CNTN5: variants seen among roughly 807,000 people sequenced by gnomAD.
CNTN5 encodes contactin 5.
A neutral mutation model predicts 129.1 loss-of-function variants in CNTN5; 77 were observed. The ratio of observed to expected loss-of-function variants is 0.60; its 90% CI spans 0.50 to 0.72. CNTN5 has a LOEUF of 0.72. Among genes scored for constraint, CNTN5 ranks in the 30% least tolerant of loss-of-function variants. The pLI, the probability that CNTN5 is intolerant of heterozygous loss-of-function variation, is 0.00. For synonymous variants in CNTN5, 509 were observed against 465.6 expected, an observed-to-expected ratio of 1.09 and a Z score of -1.20; for missense variants, 1,478 against 1,328.8, an observed-to-expected ratio of 1.11 and a Z score of -1.75.
intron 3 of CNTN5, among the ~76,000 whole-genome samples, chr11:99,615,032 C>T (rs1307213690): frequency 2.0e-5 from 3 of 147,770 alleles, no homozygotes; most frequent in African/African-American, 4.9e-5. Flanking sequence ...ATTATATATA[C>T]CTATTATATA....
intron 2 of CNTN5, among the ~76,000 whole-genome samples, chr11:99,465,137 T>C (rs1447803427): frequency 3.9e-5 from 6 of 152,196 alleles, no homozygotes; most frequent in Non-Finnish European, 5.9e-5. Context: ...TTGAGTAAAG[T>C]AGAGTAGTCC....
chr11:100,131,739 C>T (rs1182548139), intron 13 of CNTN5, among the ~76,000 whole-genome samples: 1 of 152,054 alleles, frequency 6.6e-6, no homozygotes, highest in Non-Finnish European at 1.5e-5. Flanking sequence ...ACTGGCTCAT[C>T]ATAATAATGT....
rs116107544 is a variant in CNTN5, at chr11:99,664,499, C to T, written c.55+108230C>T. On this transcript the variant is annotated intron_variant, in intron 3 of 24. Coordinates refer to ENST00000524871, the MANE Select transcript of CNTN5 (RefSeq NM_014361.4). Reference sequence around the variant, plus strand: ...CAGAGTTTTCAGTTCTCAGTAACAACATTTTCAGTAATTCTTGTTCTAGAA... The same window carrying T: ...CAGAGTTTTCAGTTCTCAGTAACAATATTTTCAGTAATTCTTGTTCTAGAA... Among the ~76,000 whole-genome samples, 401 of 152,254 alleles carry T rather than the reference C, an allele frequency of 2.6e-3. 3 individuals are homozygous for T. The highest frequency in any genetic ancestry group is 9.1e-3 in the African/African-American group (377 of 41,556).
intron 17 of CNTN5, among the ~76,000 whole-genome samples, chr11:100,260,511 A>G (rs1372398586): frequency 6.6e-6 from 1 of 152,220 alleles, no homozygotes; most frequent in East Asian, 1.9e-4. Flanking sequence ...ATTTCAGGCC[A>G]ATATCCCTGG....
At chr11:99,965,033 T>A (rs11222078) in intron 8 of CNTN5, among the ~76,000 whole-genome samples, 32,035 of 151,950 alleles carry the variant, frequency 0.21, 3,813 homozygotes, top group African/African-American at 0.32. Flanking sequence ...TTATTGCGTC[T>A]ATTTGATTCT....
chr11:99,121,236 G>A (rs1858310516), intron 1 of CNTN5, among the ~76,000 whole-genome samples: 1 of 151,472 alleles, frequency 6.6e-6, no homozygotes, highest in Non-Finnish European at 1.5e-5. Flanking sequence ...CTGGGTTCAA[G>A]TGATTCTCCT....
chr11:100,196,723 A>T (rs1437476089), intron 15 of CNTN5, among the ~76,000 whole-genome samples: 2 of 151,992 alleles, frequency 1.3e-5, no homozygotes, highest in Non-Finnish European at 2.9e-5. Context: ...ACTAATTTGG[A>T]GTGAATCCAT....
intron 2 of CNTN5, among the ~76,000 whole-genome samples, chr11:99,555,551 T>G (rs1196292843): frequency 6.6e-6 from 1 of 152,064 alleles, no homozygotes; most frequent in Non-Finnish European, 1.5e-5. Flanking sequence ...CCTTTTTCCC[T>G]TACGTTCCAG....
At position 99,963,833 on chromosome 11, in the gene CNTN5, T is replaced by C. The variant is rs546336748; in HGVS notation, c.877+6824T>C. ...TTTGTTTGTATCCTCTTTTGTTTCATTGAGCAGTGGTTTGTAGTTCTCCTT... is the reference window on the plus strand; with the variant it reads ...TTTGTTTGTATCCTCTTTTGTTTCACTGAGCAGTGGTTTGTAGTTCTCCTT... On this transcript the variant is annotated intron_variant, in intron 8 of 24. Transcript: ENST00000524871. Among the ~76,000 whole-genome samples, 280 of 152,288 alleles carry C rather than the reference T, an allele frequency of 1.8e-3. 1 individual carries two copies. Among genetic ancestry groups the C allele is most frequent in the African/African-American group, 6.7e-3 (277 of 41,560 alleles).
In CNTN5 at chr11:99,651,310, T is replaced by C. The variant is rs1379455320; in HGVS notation, c.55+95041T>C. Among the ~76,000 whole-genome samples, 3 of 151,816 alleles carry C rather than the reference T, an allele frequency of 2.0e-5. No homozygotes were observed. In the East Asian group the frequency reaches 5.8e-4, roughly 29 times the overall value. Reference sequence around the variant, plus strand: ...ATTAAATGTTTATTGCATGTGGCAATTGGAGAGTGCAGAAAGGGGAAAGAA... The same window carrying C: ...ATTAAATGTTTATTGCATGTGGCAACTGGAGAGTGCAGAAAGGGGAAAGAA... On this transcript the variant is annotated intron_variant, in intron 3 of 24. Coordinates refer to ENST00000524871, the MANE Select transcript of CNTN5 (RefSeq NM_014361.4).
chr11:99,551,313 T>G (rs1948472961), intron 2 of CNTN5, among the ~76,000 whole-genome samples: 1 of 152,148 alleles, frequency 6.6e-6, no homozygotes, highest in Non-Finnish European at 1.5e-5. Context: ...GAATTAAGTG[T>G]TTTTAAAGGG....
intron 3 of CNTN5, among the ~76,000 whole-genome samples, chr11:99,780,040 G>C (rs1458099173): frequency 1.3e-5 from 2 of 152,014 alleles, no homozygotes; most frequent in Non-Finnish European, 2.9e-5. Flanking sequence ...GTTCAGCATA[G>C]AAGGAGTCTG....
intron 16 of CNTN5, among the ~76,000 whole-genome samples, chr11:100,252,702 G>T (rs190102475): frequency 3.9e-5 from 6 of 152,156 alleles, no homozygotes; most frequent in African/African-American, 9.6e-5. Context: ...TGATCTGAAG[G>T]CCTCTTCACT....
At chr11:99,186,807 A>T (rs1048131246) in intron 1 of CNTN5, among the ~76,000 whole-genome samples, 1 of 151,968 alleles carries the variant, frequency 6.6e-6, no homozygotes, top group Non-Finnish European at 1.5e-5. Flanking sequence ...ACTTATTAAA[A>T]GAGGGGATGG....
intron 7 of CNTN5, among the ~76,000 whole-genome samples, chr11:99,934,576 G>A (rs950427989): frequency 7.2e-5 from 11 of 151,916 alleles, no homozygotes; most frequent in Admixed American, 5.9e-4. Flanking sequence ...TACGTACAAC[G>A]ATTCTATAAT....
At chr11:99,555,537 A>C (rs1948635506) in intron 2 of CNTN5, among the ~76,000 whole-genome samples, 1 of 152,016 alleles carries the variant, frequency 6.6e-6, no homozygotes, top group South Asian at 2.1e-4. Context: ...ATATTCATGA[A>C]AATCCTTTTT....
intron 1 of CNTN5, among the ~76,000 whole-genome samples, chr11:99,108,361 G>A (rs1857620262): frequency 6.6e-6 from 1 of 152,020 alleles, no homozygotes; most frequent in Non-Finnish European, 1.5e-5. Flanking sequence ...TCCTCTCCTT[G>A]GTTATTTTAT....
chr11:99,843,825 T>TGTGATCAAATTC (rs1947593414), intron 4 of CNTN5, among the ~76,000 whole-genome samples: 1 of 152,210 alleles, frequency 6.6e-6, no homozygotes. Flanking sequence ...AGGGCTATTA[T>TGTGATCAAATTC]GTGATCAAAT....
intron 18 of CNTN5, among the ~76,000 whole-genome samples, chr11:100,274,025 T>C (rs1253381022): frequency 2.0e-5 from 3 of 152,048 alleles, no homozygotes; most frequent in African/African-American, 7.2e-5. Flanking sequence ...AAAACAGACA[T>C]ACAGATGAGC....
Sources: gnomAD v4.1 joint callset for allele counts (sites outside exome capture counted in the v4.1 genomes callset) on GRCh38, gnomAD v4.1.1 for gene constraint, MANE v1.5 for transcripts, NCBI Gene and HGNC (gene_info 2026-07-23, HGNC 2026-07-21) for gene names.